LIMCH1: variants seen among roughly 807,000 people sequenced by gnomAD.
The protein encoded by LIMCH1 is LIM and calponin homology domains-containing protein 1.
Under a neutral mutation model 176.5 loss-of-function variants are expected in LIMCH1, and 113 were observed. The observed-to-expected ratio is 0.64, with a 90% confidence interval of 0.55 to 0.75. The LOEUF (loss-of-function observed/expected upper bound fraction) is 0.75. LIMCH1 is among the 30% of genes least tolerant of loss of function. The pLI, the probability that LIMCH1 is intolerant of heterozygous loss-of-function variation, is 0.00. For missense variants in LIMCH1, 1,674 were observed against 1,814.9 expected (o/e 0.92, Z 1.41); for synonymous variants, 619 against 645.9 (o/e 0.96, Z 0.63).
At chr4:41,553,286 G>A (rs1471453657) in intron 1 of LIMCH1, among the ~76,000 whole-genome samples, 2 of 152,180 alleles carry the variant, frequency 1.3e-5, no homozygotes, top group Admixed American at 6.6e-5. Flanking sequence ...GACAATTTCA[G>A]TTTAGCATGG....
At chr4:41,567,350 T>G (rs1160354345) in intron 1 of LIMCH1, among the ~76,000 whole-genome samples, 2 of 152,246 alleles carry the variant, frequency 1.3e-5, no homozygotes, top group East Asian at 1.9e-4. Flanking sequence ...CTGGCATGTT[T>G]GAGATATTCA....
intron 1 of LIMCH1, among the ~76,000 whole-genome samples, chr4:41,550,849 G>T (rs1318761712): frequency 1.3e-5 from 2 of 152,110 alleles, no homozygotes; most frequent in African/African-American, 2.4e-5. Flanking sequence ...AGCTTTGACT[G>T]TGGAAAATAT....
chr4:41,533,713 A>G (rs1417740818), upstream of LIMCH1, among the ~76,000 whole-genome samples: 2 of 152,180 alleles, frequency 1.3e-5, no homozygotes, highest in East Asian at 3.9e-4. Flanking sequence ...GAAGTATAAT[A>G]TGCAAGAAAG....
At chr4:41,610,194 A>C (rs1049726990) in intron 4 of LIMCH1, among the ~76,000 whole-genome samples, 1 of 152,206 alleles carries the variant, frequency 6.6e-6, no homozygotes, top group African/African-American at 2.4e-5. Flanking sequence ...AGGCATGTTG[A>C]CTTTCTCCTT....
intron 1 of LIMCH1, among the ~76,000 whole-genome samples, chr4:41,584,935 A>G (rs2086178808): frequency 1.3e-5 from 2 of 152,036 alleles, no homozygotes; most frequent in Admixed American, 1.3e-4. Context: ...TCTGGTGAGG[A>G]CCTGTTTCCT....
At chr4:41,523,695 T>C (rs2152411570) in intron 2 of LIMCH1, among the ~76,000 whole-genome samples, 1 of 152,350 alleles carries the variant, frequency 6.6e-6, no homozygotes, top group East Asian at 1.9e-4. Flanking sequence ...TTCTCTTCAC[T>C]CTGGGTTTTT....
At chr4:41,399,899 G>A (rs1380302574) in intron 1 of LIMCH1, among the ~76,000 whole-genome samples, 1 of 145,516 alleles carries the variant, frequency 6.9e-6, no homozygotes, top group Non-Finnish European at 1.5e-5. Flanking sequence ...GGCCAGGATG[G>A]TCTTGATCTC....
rs77966193 is a variant in LIMCH1 at position 41,686,770 on chromosome 4, A to G, written c.4088+940A>G. ...ATAACTTGTTTTGTAAGAGAAAAATATTTATTGTCTTATTTTTCTTGTTAC... is the reference window on the plus strand; with the variant it reads ...ATAACTTGTTTTGTAAGAGAAAAATGTTTATTGTCTTATTTTTCTTGTTAC... On this transcript the variant is annotated intron_variant, in intron 28 of 31. Transcript: ENST00000503057. 9.8e-5 allele frequency among the ~76,000 whole-genome samples: 15 copies of G among 152,294 alleles called. No homozygotes were observed. In the East Asian group the frequency reaches 2.5e-3, roughly 25 times the overall value.
intron 8 of LIMCH1, among the ~76,000 whole-genome samples, chr4:41,628,634 G>C (rs1356490025): frequency 2.6e-5 from 4 of 152,010 alleles, no homozygotes; most frequent in African/African-American, 9.7e-5. Context: ...TATTTTTTGA[G>C]ATTTTTCTAT....
At chr4:41,434,037 G>T (rs1388616161) in intron 1 of LIMCH1, among the ~76,000 whole-genome samples, 2 of 152,114 alleles carry the variant, frequency 1.3e-5, no homozygotes, top group Non-Finnish European at 2.9e-5. Flanking sequence ...CTTAAAAGGG[G>T]TACACTTCCA....
intron 26 of LIMCH1, 36 bp downstream of exon 26, chr4:41,682,496 A>C (rs1371807535): frequency 6.2e-7 from 1 of 1,602,556 alleles, no homozygotes; most frequent in East Asian, 2.2e-5. Flanking sequence ...GAAAATGTAC[A>C]AAGCTGGGCT....
intron 1 of LIMCH1, among the ~76,000 whole-genome samples, chr4:41,595,139 G>A (rs2088500844): frequency 6.6e-6 from 1 of 152,114 alleles, no homozygotes; most frequent in South Asian, 2.1e-4. Flanking sequence ...TTTGAATGTG[G>A]TATCCTCAAG....
chr4:41,548,766 G>A (rs1460569106), intron 1 of LIMCH1, among the ~76,000 whole-genome samples: 1 of 152,058 alleles, frequency 6.6e-6, no homozygotes, highest in Non-Finnish European at 1.5e-5. Context: ...CCTTTTTGGA[G>A]AAGAGTCGTG....
Position 41,455,457 on chromosome 4 carries a change from G to C in LIMCH1, c.97-39079G>C, listed in dbSNP as rs570980300. On this transcript the variant is annotated intron_variant, in intron 1 of 26. Transcript: ENST00000313860. Reference sequence around the variant, plus strand: ...AGAATGGGTATTTGAAGAGGACGCTGCTTTCATCCTGCTGGGTGCAAGGTC... The same window carrying C: ...AGAATGGGTATTTGAAGAGGACGCTCCTTTCATCCTGCTGGGTGCAAGGTC... Among the ~76,000 whole-genome samples the C allele has an allele frequency of 7.2e-4, 109 of 152,280 alleles. No individual in the cohort carries two copies. The Middle Eastern group carries it at 0.01, about 14-fold the overall frequency.
Position 41,682,674 on chromosome 4 carries a change from TC to T in LIMCH1, c.3845+215del, listed in dbSNP as rs1330109739. ...TAAATAGCCTTATTTTTTTTCTTCTTCTTCTTTTTTTTTTTTTTGCTTGAGA... is the reference window on the plus strand; with the variant it reads ...TAAATAGCCTTATTTTTTTTCTTCTTTTCTTTTTTTTTTTTTTGCTTGAGA... On this transcript the variant is annotated intron_variant, in intron 26 of 31. Coordinates refer to ENST00000503057, the MANE Select transcript of LIMCH1 (RefSeq NM_001330672.2). 1.2e-3 allele frequency among the ~76,000 whole-genome samples: 161 copies of T among 137,342 alleles called. 4 individuals are homozygous for T. Among genetic ancestry groups the T allele is most frequent in the African/African-American group, 3.9e-3 (144 of 36,744 alleles). The allele number at this position is 137,342 out of a possible 152,430, so 90.1% of individuals were successfully genotyped here.
At chr4:41,644,064 A>T (rs902632927) in intron 14 of LIMCH1, among the ~76,000 whole-genome samples, 3 of 152,144 alleles carry the variant, frequency 2.0e-5, no homozygotes, top group Admixed American at 6.5e-5. Flanking sequence ...AACGTAATAC[A>T]GTTTTACTTC....
intron 1 of LIMCH1, among the ~76,000 whole-genome samples, chr4:41,387,810 T>A (rs1206031049): frequency 2.0e-5 from 3 of 152,230 alleles, no homozygotes; most frequent in Non-Finnish European, 4.4e-5. Context: ...ATGTGAAGAT[T>A]CTTAAAAATT....
intron 1 of LIMCH1, among the ~76,000 whole-genome samples, chr4:41,572,848 C>T (rs556391225): frequency 3.5e-4 from 53 of 152,236 alleles, no homozygotes; most frequent in South Asian, 1.2e-3. Context: ...AGGAGTCAGA[C>T]GAGTGTTCAG....
upstream of LIMCH1, among the ~76,000 whole-genome samples, chr4:41,536,021 C>T (rs1281508089): frequency 6.6e-6 from 1 of 152,014 alleles, no homozygotes; most frequent in African/African-American, 2.4e-5. Flanking sequence ...CACTTTTTTC[C>T]CTTAGGAATA....
Sources: allele counts gnomAD v4.1 joint callset (sites outside exome capture counted in the v4.1 genomes callset), GRCh38; gene constraint gnomAD v4.1.1; transcripts MANE v1.5; gene names NCBI Gene and HGNC (gene_info 2026-07-23, HGNC 2026-07-21).